FBXO42: variants seen among roughly 807,000 people sequenced by gnomAD.
The protein encoded by FBXO42 is F-box only protein 42.
In FBXO42, 12 loss-of-function variants were observed where a neutral mutation model predicts 71.7. The observed-to-expected ratio is 0.17, with a 90% CI of 0.11 to 0.27. The LOEUF (loss-of-function observed/expected upper bound fraction) is 0.27. Among genes scored for constraint, FBXO42 ranks in the 10% least tolerant of loss-of-function variants. FBXO42 has a pLI of 1.00. For missense variants in FBXO42, 707 were observed against 911.9 expected (o/e 0.78, Z 2.89); for synonymous variants, 325 against 327.5 (o/e 0.99, Z 0.08).
rs968091062 is a variant in FBXO42, at chr1:16,249,936, AT to A, written c.*733del. On this transcript the variant is annotated 3_prime_UTR_variant, in exon 10 of 10. Coordinates refer to ENST00000375592, the MANE Select transcript of FBXO42 (RefSeq NM_018994.3). ...CACCAAATATGATTGATTGTCAGAA[AT>A]TTCCACAATCAGACACAAAATGTTT... 4.0e-5 allele frequency: 6 copies of A among 150,674 alleles called. No individual in the cohort carries two copies. The highest frequency in any genetic ancestry group is 1.4e-4 in the African/African-American group (6 of 41,386). The allele number at this position is 150,674 out of a possible 1,614,324, so 9.3% of individuals were successfully genotyped here. A position where few individuals can be genotyped will look rare whatever the true frequency, so the allele number is the denominator to read the frequency against.
chr1:16,315,543 A>C, intron 1 of FBXO42, 108 bp from the exon 2 acceptor site: 1 of 1,129,492 alleles, frequency 8.9e-7, no homozygotes, highest in Non-Finnish European at 1.2e-6. Flanking sequence ...TCTCAGTGTG[A>C]AATCTGCTCT....
intron 4 of FBXO42, among the ~76,000 whole-genome samples, chr1:16,287,428 A>T (rs560949181): frequency 3.9e-5 from 6 of 152,216 alleles, no homozygotes; most frequent in African/African-American, 1.4e-4. Flanking sequence ...GTCTTCCTTC[A>T]TTTGAATGTA....
chr1:16,316,603 C>T (rs975064784), intron 1 of FBXO42, among the ~76,000 whole-genome samples: 1 of 151,424 alleles, frequency 6.6e-6, no homozygotes, highest in Non-Finnish European at 1.5e-5. Flanking sequence ...GGTGTAGTGG[C>T]GCGTGCCTGT....
chr1:16,296,068 A>C (rs866962843), intron 3 of FBXO42, among the ~76,000 whole-genome samples: 5 of 152,194 alleles, frequency 3.3e-5, no homozygotes, highest in Non-Finnish European at 5.9e-5. Context: ...GCTGTTACCC[A>C]AAAACTACAA....
intron 4 of FBXO42, among the ~76,000 whole-genome samples, chr1:16,287,451 C>T (rs1028782823): frequency 6.6e-6 from 1 of 152,108 alleles, no homozygotes; most frequent in African/African-American, 2.4e-5. Context: ...CTCATTAGGG[C>T]TGAGATGTTT....
rs375012254 is a variant in FBXO42 at position 16,256,722 on chromosome 1, G to A, written c.540C>T (p.Val180=). The A allele has an allele frequency of 1.4e-5, 23 of 1,614,006 alleles. No individual in the cohort carries two copies. The highest frequency in any genetic ancestry group is 5.0e-5 in the Admixed American group (3 of 60,000). ...ACAGCACTAGCAAGTCCTTGTACAC[G>A]ACCAGAGTTGCTCCAGCTTTGGGGG... The part of the protein sequence containing the change: ...YPSPKAGATL[V]VYKDLLVLFG... Residue 180 remains valine (V), a synonymous_variant, in exon 5 of 10, where the codon GTC becomes GTT. Transcript: ENST00000375592.
chr1:16,311,135 G>A lies in FBXO42; in HGVS notation c.250+4034C>T, dbSNP rs563558535. Reference sequence around the variant, plus strand: ...GGAGCTTGCAATAAGCCGAGATCGCGCCCCTGCACTCCAGCCTGGGCGACA... The same window carrying A: ...GGAGCTTGCAATAAGCCGAGATCGCACCCCTGCACTCCAGCCTGGGCGACA... On this transcript the variant is annotated intron_variant, in intron 2 of 9. Transcript: ENST00000375592. Among the ~76,000 whole-genome samples, 19 of 142,704 alleles carry A rather than the reference G, an allele frequency of 1.3e-4. No homozygotes were observed. In the East Asian group the frequency reaches 2.6e-3, roughly 19 times the overall value. The allele number at this position is 142,704 out of a possible 152,430, so 93.6% of individuals were successfully genotyped here. A position where few individuals can be genotyped will look rare whatever the true frequency, so the allele number is the denominator to read the frequency against.
At chr1:16,280,664 T>C (rs886767436) in intron 4 of FBXO42, among the ~76,000 whole-genome samples, 3 of 152,090 alleles carry the variant, frequency 2.0e-5, no homozygotes, top group Non-Finnish European at 4.4e-5. Context: ...AAGTCCCAGC[T>C]TCTTGGGGGC....
chr1:16,306,062 G>T lies in FBXO42; in HGVS notation c.251-143C>A, dbSNP rs1027177936. Reference sequence around the variant, plus strand: ...TTTTGAGATGGAGTCTCACTCTGTCGCCCAGGTTGGAGTGCAGTGGCACGA... The same window carrying T: ...TTTTGAGATGGAGTCTCACTCTGTCTCCCAGGTTGGAGTGCAGTGGCACGA... On this transcript the variant is annotated intron_variant, in intron 2 of 9. Coordinates refer to ENST00000375592, the MANE Select transcript of FBXO42 (RefSeq NM_018994.3). The T allele has an allele frequency of 1.1e-5, 7 of 612,000 alleles. No homozygotes were observed. In the East Asian group the frequency reaches 2.0e-4, roughly 18 times the overall value. 37.9% of individuals were successfully genotyped at this position (612,000 alleles called of 1,614,324 possible). A position where few individuals can be genotyped will look rare whatever the true frequency, so the allele number is the denominator to read the frequency against.
intron 1 of FBXO42, among the ~76,000 whole-genome samples, chr1:16,347,412 G>A (rs1569957486): frequency 6.6e-6 from 1 of 152,208 alleles, no homozygotes; most frequent in Middle Eastern, 3.4e-3. Flanking sequence ...TTACTCAGGA[G>A]GCTGAGGCAG....
intron 4 of FBXO42, among the ~76,000 whole-genome samples, chr1:16,270,761 C>CAA (rs1159364942): frequency 7.1e-6 from 1 of 140,554 alleles, no homozygotes; most frequent in Admixed American, 7.0e-5. Context: ...TACACACACA[C>CAA]ACACACACAC....
At chr1:16,342,637 C>T (rs150483528) in intron 1 of FBXO42, among the ~76,000 whole-genome samples, 1 of 151,518 alleles carries the variant, frequency 6.6e-6, no homozygotes, top group African/African-American at 2.4e-5. Flanking sequence ...GTTCCCCTGA[C>T]CCTTAATAGT....
chr1:16,318,745 G>A (rs1302954855), intron 1 of FBXO42, among the ~76,000 whole-genome samples: 1 of 152,204 alleles, frequency 6.6e-6, no homozygotes, highest in African/African-American at 2.4e-5. Flanking sequence ...AAGTGCAGAA[G>A]CAGCAGGATT....
At position 16,251,396 on chromosome 1, in the gene FBXO42, C is replaced by T. The variant is rs2081590172; in HGVS notation, c.1428G>A (p.Leu476=). The change falls in exon 10 of 10, where the codon CTG becomes CTA. Residue 476 remains leucine (L), a synonymous_variant. Coordinates refer to ENST00000375592, the MANE Select transcript of FBXO42 (RefSeq NM_018994.3). This position sits in a 1 kb window ranked among gnomAD's most constrained non-coding sequence, Gnocchi z 4.5. ...GGGGGGCCAAAGAAAGTCCTATTTT[C>T]AGGTCGTATCCTTCAGGAGCAGATG... ...STPSAPEGYD[L]KIGLSLAPRR... 6.8e-6 allele frequency: 11 copies of T among 1,614,136 alleles called. No individual in the cohort carries two copies. Among genetic ancestry groups the T allele is most frequent in the Non-Finnish European group, 9.3e-6 (11 of 1,179,966 alleles).
At chr1:16,335,271 C>T (rs1406984679) in intron 1 of FBXO42, among the ~76,000 whole-genome samples, 1 of 151,980 alleles carries the variant, frequency 6.6e-6, no homozygotes, top group African/African-American at 2.4e-5. Context: ...TCCCAAGAAG[C>T]TGGGACTCCA....
chr1:16,337,139 C>A (rs1249113365), intron 1 of FBXO42, among the ~76,000 whole-genome samples: 1 of 152,152 alleles, frequency 6.6e-6, no homozygotes, highest in East Asian at 1.9e-4. Context: ...CAGAGGAAAT[C>A]TCATTCAATA....
rs936211472 is a variant in FBXO42, at chr1:16,260,685, T to C, written c.503-3926A>G. ...AGCCAGGATTCTAATCCATTTATTC[T>C]GGATTTTAATTTTTAATTTTATTTT... On this transcript the variant is annotated intron_variant, in intron 4 of 9. Transcript: ENST00000375592. Among the ~76,000 whole-genome samples the C allele has an allele frequency of 1.4e-4, 22 of 152,124 alleles. 1 individual carries two copies. Among genetic ancestry groups the C allele is most frequent in the Admixed American group, 1.2e-3 (18 of 15,260 alleles).
At chr1:16,260,437 G>T (rs1484200306) in intron 4 of FBXO42, among the ~76,000 whole-genome samples, 1 of 152,032 alleles carries the variant, frequency 6.6e-6, no homozygotes, top group African/African-American at 2.4e-5. Context: ...TCAAACTCCT[G>T]AGCTCAGGCA....
In FBXO42 at chr1:16,352,433, C is replaced by A; in HGVS notation, c.-196G>T. On this transcript the variant is annotated 5_prime_UTR_variant, in exon 1 of 10. Transcript: ENST00000375592. ...CCGCCATCTTCCTCCACTCAAACGC[C>A]GCCGCCGCCGCAGCTGCTGCTGCTC... The A allele has an allele frequency of 2.5e-6, 1 of 398,824 alleles. No homozygotes were observed. Among genetic ancestry groups the A allele is most frequent in the South Asian group, 1.3e-4 (1 of 7,878 alleles). The allele number at this position is 398,824 out of a possible 1,614,324, so 24.7% of individuals were successfully genotyped here. A position where few individuals can be genotyped will look rare whatever the true frequency, so the allele number is the denominator to read the frequency against.
Sources: gnomAD v4.1 joint callset for allele counts (sites outside exome capture counted in the v4.1 genomes callset) on GRCh38, gnomAD v4.1.1 for gene constraint, Gnocchi (gnomAD v3.1) non-coding constraint, MANE v1.5 for transcripts, NCBI Gene and HGNC (gene_info 2026-07-23, HGNC 2026-07-21) for gene names.